Variants in FBN1 observed in about 807,000 individuals in gnomAD.
FBN1 encodes the protein fibrillin-1.
A neutral mutation model predicts 365.1 loss-of-function variants in FBN1; 29 were observed. That is an observed-to-expected ratio of 0.08 (90% CI 0.06 to 0.11). FBN1 has a LOEUF of 0.11. Ranked by LOEUF, FBN1 falls within the 10% of genes least tolerant of loss-of-function variation. The pLI is 1.00. For missense variants in FBN1, 2,476 were observed against 3,703.2 expected, an observed-to-expected ratio of 0.67 and a Z score of 8.60; for synonymous variants, 1,210 against 1,270.5, an observed-to-expected ratio of 0.95 and a Z score of 1.01.
chr15:48,505,562 C>G (rs1336704100), intron 15 of FBN1, among the ~76,000 whole-genome samples: 1 of 152,154 alleles, frequency 6.6e-6, no homozygotes, highest in African/African-American at 2.4e-5. Flanking sequence ...TATTCATCAC[C>G]CAGACTGGCA....
chr15:48,485,882 T>C (rs2043502733), intron 29 of FBN1, among the ~76,000 whole-genome samples: 2 of 152,240 alleles, frequency 1.3e-5, no homozygotes, highest in South Asian at 2.1e-4. Context: ...CACCTCCCTC[T>C]GTGTTTATGA....
intron 2 of FBN1, among the ~76,000 whole-genome samples, chr15:48,615,539 T>G (rs1889635306): frequency 6.6e-6 from 1 of 152,120 alleles, no homozygotes; most frequent in Admixed American, 6.5e-5. Flanking sequence ...GATTTTACAA[T>G]TTACTATAGT....
chr15:48,496,021 C>T, intron 20 of FBN1, 79 bp downstream of exon 20: 4 of 1,560,898 alleles, frequency 2.6e-6, no homozygotes, highest in South Asian at 1.1e-5. Flanking sequence ...ACAGGAGACT[C>T]TAATTCAGTC....
At position 48,429,050 on chromosome 15, in the gene FBN1, C is replaced by A. The variant is rs532525147; in HGVS notation, c.6872-579G>T. ...GTGTGCACTTCAGATCTTTTAAAAG[C>A]CTAACTGATAGCATTTTATATACTT... On this transcript the variant is annotated intron_variant, in intron 56 of 65. Transcript: ENST00000316623. Among the ~76,000 whole-genome samples the A allele has an allele frequency of 2.4e-4, 37 of 152,100 alleles. 3 individuals are homozygous for A. In the South Asian group the frequency reaches 7.3e-3, roughly 30 times the overall value.
At chr15:48,425,632 T>C (rs2042973291) in intron 59 of FBN1, 107 bp downstream of exon 59, 9 of 1,540,088 alleles carry the variant, frequency 5.8e-6, no homozygotes, top group Middle Eastern at 1.7e-4. Flanking sequence ...TGTCCTGTGC[T>C]TTCCTATGAA....
At chr15:48,610,607 A>C in intron 4 of FBN1, 121 bp downstream of exon 4, 1 of 756,494 alleles carries the variant, frequency 1.3e-6, no homozygotes, top group Non-Finnish European at 2.3e-6. Flanking sequence ...CAGAACAGAG[A>C]AGGCAGATGT....
At chr15:48,598,062 C>T (rs1264046255) in intron 5 of FBN1, among the ~76,000 whole-genome samples, 1 of 152,194 alleles carries the variant, frequency 6.6e-6, no homozygotes, top group African/African-American at 2.4e-5. Context: ...TGTCTTCCTG[C>T]TCCTGTTTTG....
At chr15:48,548,309 G>T (rs1435074864) in intron 6 of FBN1, among the ~76,000 whole-genome samples, 1 of 152,134 alleles carries the variant, frequency 6.6e-6, no homozygotes, top group African/African-American at 2.4e-5. Context: ...ACTGTTTTAT[G>T]GCACAGACTA....
In FBN1 at chr15:48,497,395, C is replaced by T. The variant is rs2141306607; in HGVS notation, c.2168-4G>A. 3 of 1,613,004 alleles carry T rather than the reference C, an allele frequency of 1.9e-6. No individual in the cohort carries two copies. Among genetic ancestry groups the T allele is most frequent in the Admixed American group, 1.7e-5 (1 of 59,996 alleles). ...TCTAGTGCACATTCATTTATATCTG[C>T]ACCACAAAAAAGGTCAAAATCAATT... On this transcript the variant is annotated splice_region_variant and splice_polypyrimidine_tract_variant and intron_variant, in intron 18 of 65. Transcript: ENST00000316623.
rs142304692 is a variant in FBN1, at chr15:48,411,161, G to A, written c.8445C>T (p.Leu2815=). 5.1e-5 allele frequency: 82 copies of A among 1,614,116 alleles called. No homozygotes were observed. In the African/African-American group the frequency reaches 8.7e-4, roughly 17 times the overall value. ...CCACTGGCTTCTTCTTTGTGAAGTG[G>A]AGGTAGCTGATCCCTTCCTTTTGGT... The part of the protein sequence containing the change: ...KINQKEGISY[L]HFTKKKPVAG... Residue 2815 remains leucine (L), a synonymous_variant, in exon 66 of 66, where the codon CTC becomes CTT. Transcript: ENST00000316623.
intron 2 of FBN1, among the ~76,000 whole-genome samples, chr15:48,629,817 C>A (rs1233390433): frequency 6.6e-6 from 1 of 152,220 alleles, no homozygotes; most frequent in African/African-American, 2.4e-5. Context: ...CTGGCCTAGT[C>A]CATCCTGATA....
intron 44 of FBN1, among the ~76,000 whole-genome samples, chr15:48,456,120 T>C (rs568491203): frequency 5.9e-5 from 9 of 152,180 alleles, no homozygotes; most frequent in African/African-American, 2.4e-5. Context: ...AGGAGGTAAT[T>C]TGAAAATGAA....
intron 6 of FBN1, among the ~76,000 whole-genome samples, chr15:48,573,230 T>C (rs569908688): frequency 6.6e-6 from 1 of 152,338 alleles, no homozygotes; most frequent in African/African-American, 2.4e-5. Context: ...CATATATTTA[T>C]ATATACATAT....
rs2141323481 is a variant in FBN1 at position 48,510,144 on chromosome 15, G to A, written c.1614C>T (p.Gly538=). The change falls in exon 14 of 66, where the codon GGC becomes GGT. Residue 538 remains glycine, a synonymous_variant. Transcript: ENST00000316623. The stretch of plus-strand genomic sequence containing the variant: ...TGCAGCGTCCATTATTGCAGATCCG[G>A]CCATTCTGTAAACACTCATCAATGT... The part of the protein sequence containing the change: ...CRDIDECLQN[G]RICNNGRCIN... The A allele has an allele frequency of 1.2e-6, 2 of 1,613,272 alleles. No homozygotes were observed. Among genetic ancestry groups the A allele is most frequent in the Non-Finnish European group, 1.7e-6 (2 of 1,179,470 alleles).
chr15:48,485,599 G>C, intron 29 of FBN1, 103 bp from the exon 30 acceptor site: 1 of 1,292,500 alleles, frequency 7.7e-7, no homozygotes, highest in Non-Finnish European at 1.1e-6. Context: ...CTATTTAAGA[G>C]GCAGGGCCTT....
At chr15:48,513,935 T>C (rs964406537) in intron 12 of FBN1, among the ~76,000 whole-genome samples, 6 of 152,194 alleles carry the variant, frequency 3.9e-5, no homozygotes, top group African/African-American at 1.4e-4. Context: ...ATAAACATTT[T>C]TTCTTCCTTG....
intron 4 of FBN1, among the ~76,000 whole-genome samples, chr15:48,606,593 G>A (rs190789097): frequency 2.2e-4 from 34 of 152,234 alleles, no homozygotes; most frequent in African/African-American, 7.0e-4. Context: ...GAATTATGTC[G>A]GGAAGAAAAT....
At chr15:48,426,594 TTGGCGAAG>T (rs779949394) in intron 58 of FBN1, among the ~76,000 whole-genome samples, 17 of 152,240 alleles carry the variant, frequency 1.1e-4, no homozygotes, top group Non-Finnish European at 1.9e-4. Flanking sequence ...TCCTTACTGC[TTGGCGAAG>T]TGCCGATACA....
intron 45 of FBN1, 44 bp from the exon 46 acceptor site, chr15:48,448,937 T>C: frequency 2.0e-6 from 3 of 1,512,918 alleles, no homozygotes; most frequent in Admixed American, 3.4e-5. Context: ...GAAGACAAAA[T>C]ATAATTGAAT....
Sources: allele counts gnomAD v4.1 joint callset (sites outside exome capture counted in the v4.1 genomes callset), GRCh38; gene constraint gnomAD v4.1.1; transcripts MANE v1.5; gene names NCBI Gene and HGNC (gene_info 2026-07-23, HGNC 2026-07-21).